DLGAP2: variants seen among roughly 807,000 people sequenced by gnomAD.
The protein encoded by DLGAP2 is disks large-associated protein 2.
In DLGAP2, 26 loss-of-function variants were observed where a neutral mutation model predicts 100.3. The observed-to-expected ratio is 0.26, with a 90% CI of 0.19 to 0.36. The LOEUF (loss-of-function observed/expected upper bound fraction) is 0.36, where lower values mean the gene tolerates loss of function less well. Ranked by LOEUF, DLGAP2 falls within the 10% of genes least tolerant of loss-of-function variation. The probability of loss-of-function intolerance (pLI) is 1.00; values close to 1 mark genes in which losing one functional copy is unlikely to be tolerated. For synonymous variants in DLGAP2, 886 were observed against 630.1 expected (o/e 1.41, Z -6.08); for missense variants, 1,858 against 1,453.2 (o/e 1.28, Z -4.53).
intron 14 of DLGAP2, 113 bp from the exon 15 acceptor site, chr8:1,701,075 C>T (rs898655628): frequency 5.3e-6 from 5 of 946,600 alleles, no homozygotes; most frequent in Non-Finnish European, 7.8e-6. Context: ...AAGGATGCGG[C>T]CCTGGGGGCT....
chr8:1,327,615 CA>C (rs1030085715), intron 3 of DLGAP2, among the ~76,000 whole-genome samples: 13 of 152,262 alleles, frequency 8.5e-5, no homozygotes, highest in African/African-American at 3.1e-4. Flanking sequence ...GAGGCCAAGG[CA>C]GGTGGATCAC....
chr8:1,493,781 G>A (rs975186673), intron 3 of DLGAP2, among the ~76,000 whole-genome samples: 2 of 152,174 alleles, frequency 1.3e-5, no homozygotes, highest in Non-Finnish European at 2.9e-5. Flanking sequence ...TGGGGCGGGC[G>A]GTGGGCACGT....
chr8:1,679,091 G>C (rs1798880659), intron 12 of DLGAP2: 1 of 153,532 alleles, frequency 6.5e-6, no homozygotes, highest in African/African-American at 2.4e-5. Context: ...TGTGCTCAAA[G>C]GTCTCACTCC....
At chr8:1,515,014 G>GAGGGAGACCGACGTGC (rs1278980792) in intron 4 of DLGAP2, among the ~76,000 whole-genome samples, 1 of 151,524 alleles carries the variant, frequency 6.6e-6, no homozygotes, top group East Asian at 1.9e-4. Flanking sequence ...GACCGACATG[G>GAGGGAGACCGACGTGC]AGGGAGACCG....
At chr8:898,068 A>G (rs953378097) in intron 1 of DLGAP2, among the ~76,000 whole-genome samples, 33 of 152,232 alleles carry the variant, frequency 2.2e-4, no homozygotes, top group African/African-American at 6.5e-4. Context: ...GAATGAATGA[A>G]TGAATATAAA....
chr8:1,440,365 C>T (rs1372490708), intron 3 of DLGAP2, among the ~76,000 whole-genome samples: 5 of 152,112 alleles, frequency 3.3e-5, no homozygotes, highest in Non-Finnish European at 7.4e-5. Flanking sequence ...TTGAATTTTG[C>T]GTTACGTTTC....
chr8:1,605,472 A>C (rs1404903457), intron 6 of DLGAP2, among the ~76,000 whole-genome samples: 1 of 152,190 alleles, frequency 6.6e-6, no homozygotes, highest in Non-Finnish European at 1.5e-5. Context: ...GTCTCTGGTG[A>C]ATGCGTGAAT....
intron 2 of DLGAP2, among the ~76,000 whole-genome samples, chr8:935,323 C>T (rs1248455609): frequency 3.3e-5 from 5 of 152,286 alleles, no homozygotes; most frequent in East Asian, 1.9e-4. Flanking sequence ...CACATGCGGT[C>T]GTGAGCCCAG....
At chr8:1,219,108 C>G (rs190420744) in intron 2 of DLGAP2, among the ~76,000 whole-genome samples, 7 of 152,148 alleles carry the variant, frequency 4.6e-5, no homozygotes, top group African/African-American at 1.4e-4. Flanking sequence ...TGAATGCTTT[C>G]TATTTGTTTC....
Position 1,303,584 on chromosome 8 carries a change from G to A in DLGAP2, c.106+44701G>A, listed in dbSNP as rs138273414. On this transcript the variant is annotated intron_variant, in intron 3 of 14. Coordinates refer to ENST00000637795, the MANE Select transcript of DLGAP2 (RefSeq NM_001346810.2). ...TGCGTTATTTATTTTATTTTTAAAG[G>A]TGTAACTCTCTCTTAACGGAGAATC... Among the ~76,000 whole-genome samples the A allele has an allele frequency of 3.2e-3, 486 of 152,100 alleles. 1 individual carries two copies. Among genetic ancestry groups the A allele is most frequent in the African/African-American group, 0.011 (465 of 41,518 alleles).
At chr8:1,630,729 T>C (rs1797620759) in intron 7 of DLGAP2, among the ~76,000 whole-genome samples, 2 of 151,850 alleles carry the variant, frequency 1.3e-5, no homozygotes, top group South Asian at 4.2e-4. Context: ...TTGCCCTTCA[T>C]GTTTAACATT....
At chr8:927,282 T>C (rs544833291) in intron 2 of DLGAP2, 1 of 965,962 alleles carries the variant, frequency 1.0e-6, no homozygotes, top group East Asian at 1.1e-4. Flanking sequence ...GGGGATTTTC[T>C]TGAAGCTTCT....
chr8:1,258,919 G>T, intron 3 of DLGAP2, 36 bp downstream of exon 3: 2 of 1,231,528 alleles, frequency 1.6e-6, no homozygotes, highest in Non-Finnish European at 2.0e-6. Flanking sequence ...GTGGGCGGGG[G>T]CCGCGCGGCT....
chr8:1,573,436 G>A (rs1301007459), intron 6 of DLGAP2, among the ~76,000 whole-genome samples: 17 of 151,588 alleles, frequency 1.1e-4, no homozygotes, highest in Non-Finnish European at 8.8e-5. Context: ...GAGGAGAGAA[G>A]GTGAACTGTG....
intron 1 of DLGAP2, among the ~76,000 whole-genome samples, chr8:875,866 T>C (rs1183614525): frequency 3.3e-5 from 5 of 152,342 alleles, no homozygotes; most frequent in African/African-American, 1.2e-4. Flanking sequence ...TTCAGACTTA[T>C]GCTGGCATAA....
intron 4 of DLGAP2, among the ~76,000 whole-genome samples, chr8:1,529,764 T>C (rs1173433275): frequency 1.3e-5 from 2 of 152,254 alleles, no homozygotes; most frequent in Non-Finnish European, 2.9e-5. Flanking sequence ...TCTATTTTCC[T>C]TAAGCGTTGG....
chr8:1,236,247 C>G (rs1585177314), intron 2 of DLGAP2, among the ~76,000 whole-genome samples: 1 of 68,518 alleles, frequency 1.5e-5, no homozygotes, highest in African/African-American at 6.6e-5. Context: ...GGCACCATGT[C>G]TAGTTATCTC....
chr8:1,685,877 G>A (rs1279204507), intron 12 of DLGAP2, among the ~76,000 whole-genome samples: 3 of 152,156 alleles, frequency 2.0e-5, no homozygotes, highest in African/African-American at 7.2e-5. Flanking sequence ...ACGATGAGAT[G>A]TCACCTCATC....
At chr8:1,256,266 TGGGTGCTGTGTGTGTGTCCTCTCCTGC>T (rs1799212614) in intron 2 of DLGAP2, among the ~76,000 whole-genome samples, 1 of 110,920 alleles carries the variant, frequency 9.0e-6, no homozygotes. Context: ...CTCTCCTGCC[TGGGTGCTGTGTGTGTGTCCTCTCCTGC>T]CCGGGTGCTG....
Sources: allele counts gnomAD v4.1 joint callset (sites outside exome capture counted in the v4.1 genomes callset), GRCh38; gene constraint gnomAD v4.1.1; transcripts MANE v1.5; gene names NCBI Gene and HGNC (gene_info 2026-07-23, HGNC 2026-07-21).